UBE2H: variants seen among roughly 807,000 people sequenced by gnomAD.
The protein encoded by UBE2H is ubiquitin conjugating enzyme E2 H.
In UBE2H, 3 loss-of-function variants were observed where a neutral mutation model predicts 29.0. The ratio of observed to expected loss-of-function variants is 0.10; its 90% CI spans 0.05 to 0.27. UBE2H has a LOEUF of 0.27. Ranked by LOEUF, UBE2H falls within the 10% of genes least tolerant of loss-of-function variation. The pLI, the probability that UBE2H is intolerant of heterozygous loss-of-function variation, is 1.00. For synonymous variants in UBE2H, 69 were observed against 82.9 expected (o/e 0.83, Z 0.91); for missense variants, 68 against 228.2 (o/e 0.30, Z 4.52).
chr7:129,898,756 A>G (rs1375463862), intron 1 of UBE2H, among the ~76,000 whole-genome samples: 1 of 151,810 alleles, frequency 6.6e-6, no homozygotes, highest in East Asian at 1.9e-4. Flanking sequence ...TGAAAGACAC[A>G]AGAGCACCCT....
At chr7:129,906,537 C>A (rs1292918846) in intron 1 of UBE2H, among the ~76,000 whole-genome samples, 1 of 152,024 alleles carries the variant, frequency 6.6e-6, no homozygotes, top group Non-Finnish European at 1.5e-5. Flanking sequence ...GAAGAGGAAC[C>A]TACAAGGTAT....
intron 5 of UBE2H, among the ~76,000 whole-genome samples, chr7:129,855,770 A>G (rs763662477): frequency 6.6e-6 from 1 of 152,116 alleles, no homozygotes; most frequent in Non-Finnish European, 1.5e-5. Flanking sequence ...GGTAGTATGC[A>G]CCTATAGTCC....
intron 5 of UBE2H, 105 bp downstream of exon 5, chr7:129,857,406 T>C (rs1282623351): frequency 4.0e-6 from 5 of 1,237,142 alleles, no homozygotes; most frequent in Non-Finnish European, 5.7e-6. Flanking sequence ...CAAAAATCCC[T>C]TCCCATTACC....
chr7:129,831,153 C>T lies in UBE2H; in HGVS notation c.*3784G>A, dbSNP rs1430257222. The T allele has an allele frequency of 2.0e-5, 3 of 152,044 alleles. No homozygotes were observed. The highest frequency in any genetic ancestry group is 1.3e-4 in the Admixed American group (2 of 15,260). The allele number at this position is 152,044 out of a possible 1,614,324, so 9.4% of individuals were successfully genotyped here. On this transcript the variant is annotated 3_prime_UTR_variant, in exon 7 of 7. Transcript: ENST00000355621. ...CTCATCCCATCCCTAACAGAATCGC[C>T]GAGGTGTTCACGGGCCAGAGAAAGC...
At chr7:129,904,911 G>C (rs1390565729) in intron 1 of UBE2H, among the ~76,000 whole-genome samples, 1 of 152,200 alleles carries the variant, frequency 6.6e-6, no homozygotes, top group African/African-American at 2.4e-5. Context: ...GGAAGCCAAA[G>C]GTGTTTTCAA....
chr7:129,911,332 C>T (rs925254278), intron 1 of UBE2H, among the ~76,000 whole-genome samples: 2 of 151,024 alleles, frequency 1.3e-5, no homozygotes, highest in Non-Finnish European at 2.9e-5. Context: ...CACACCATTG[C>T]ACCACTCCAG....
At chr7:129,913,277 C>CA (rs1806977352) in intron 1 of UBE2H, among the ~76,000 whole-genome samples, 1 of 146,924 alleles carries the variant, frequency 6.8e-6, no homozygotes, top group African/African-American at 2.5e-5. Flanking sequence ...AAAAAGAGTA[C>CA]AGCACAGAAT....
At chr7:129,910,613 G>C (rs1206175691) in intron 1 of UBE2H, among the ~76,000 whole-genome samples, 2 of 152,144 alleles carry the variant, frequency 1.3e-5, no homozygotes, top group African/African-American at 4.8e-5. Flanking sequence ...ACAAAAAACA[G>C]TATCATGCCT....
Position 129,927,677 on chromosome 7 carries a change from T to G in UBE2H, c.53+24826A>C, listed in dbSNP as rs535622869. On this transcript the variant is annotated intron_variant, in intron 1 of 6. Transcript: ENST00000355621. ...TATAATTCCCAGCATCATGGATGAG[T>G]TTAGGGGACATTACGTTAAGTAAAA... Among the ~76,000 whole-genome samples the G allele has an allele frequency of 1.6e-4, 25 of 151,908 alleles. No homozygotes were observed. The South Asian group carries it at 1.9e-3, about 11-fold the overall frequency.
intron 1 of UBE2H, among the ~76,000 whole-genome samples, chr7:129,922,902 CTTT>C (rs764774966): frequency 6.6e-6 from 1 of 151,472 alleles, no homozygotes; most frequent in East Asian, 1.9e-4. Context: ...TGAGATTTTT[CTTT>C]TTTTTCTTTT....
At chr7:129,913,800 T>G (rs2116453557) in intron 1 of UBE2H, among the ~76,000 whole-genome samples, 1 of 151,364 alleles carries the variant, frequency 6.6e-6, no homozygotes, top group Non-Finnish European at 1.5e-5. Flanking sequence ...AGACCCTGTC[T>G]CTCAAGGGGA....
chr7:129,915,108 C>T (rs112694230), intron 1 of UBE2H, among the ~76,000 whole-genome samples: 2 of 152,178 alleles, frequency 1.3e-5, no homozygotes, highest in Non-Finnish European at 1.5e-5. Context: ...TGTCTTTCCC[C>T]GAGGCTGTGA....
chr7:129,884,591 T>C (rs945089273), intron 1 of UBE2H, among the ~76,000 whole-genome samples: 1 of 148,476 alleles, frequency 6.7e-6, no homozygotes, highest in African/African-American at 2.5e-5. Flanking sequence ...AACGAATTAC[T>C]ATTTTTTTTT....
intron 1 of UBE2H, among the ~76,000 whole-genome samples, chr7:129,919,017 G>A (rs538445556): frequency 4.0e-5 from 6 of 150,720 alleles, no homozygotes; most frequent in Middle Eastern, 3.4e-3. Context: ...CCGAGAGGTC[G>A]AGGCTGCAGT....
intron 1 of UBE2H, among the ~76,000 whole-genome samples, chr7:129,910,814 G>T (rs1016918048): frequency 1.3e-5 from 2 of 152,094 alleles, no homozygotes; most frequent in Non-Finnish European, 2.9e-5. Flanking sequence ...CCCGGGAAGC[G>T]GAGGTTGCAG....
intron 1 of UBE2H, among the ~76,000 whole-genome samples, chr7:129,922,807 G>C (rs762123165): frequency 9.2e-5 from 14 of 152,138 alleles, no homozygotes; most frequent in Non-Finnish European, 4.4e-5. Flanking sequence ...AGACTGACTT[G>C]AACTCCTGGG....
At chr7:129,853,847 G>A (rs1315971614) in intron 5 of UBE2H, among the ~76,000 whole-genome samples, 1 of 152,106 alleles carries the variant, frequency 6.6e-6, no homozygotes, top group East Asian at 1.9e-4. Flanking sequence ...GTGAATTGTT[G>A]TTACGCTACA....
intron 3 of UBE2H, 91 bp from the exon 4 acceptor site, chr7:129,859,032 G>C (rs1323733937): frequency 1.9e-6 from 2 of 1,036,064 alleles, no homozygotes; most frequent in Non-Finnish European, 3.0e-6. Context: ...ATTGGGAAAA[G>C]GTGATAATAC....
intron 3 of UBE2H, among the ~76,000 whole-genome samples, chr7:129,869,071 G>C (rs934651199): frequency 6.6e-6 from 1 of 151,838 alleles, no homozygotes; most frequent in Non-Finnish European, 1.5e-5. Context: ...TGAGTAGCTG[G>C]GATTACAGGC....
Sources: gnomAD v4.1 joint callset for allele counts (sites outside exome capture counted in the v4.1 genomes callset) on GRCh38, gnomAD v4.1.1 for gene constraint, MANE v1.5 for transcripts, NCBI Gene and HGNC (gene_info 2026-07-23, HGNC 2026-07-21) for gene names.